The following RNF32 variants were observed in gnomAD, a reference collection of about 807,000 sequenced individuals.
The protein encoded by RNF32 is ring finger protein 32.
Under a neutral mutation model 41.0 loss-of-function variants are expected in RNF32, and 36 were observed. The observed-to-expected ratio is 0.88, with a 90% confidence interval of 0.67 to 1.16. The LOEUF (loss-of-function observed/expected upper bound fraction) is 1.16, where lower values mean the gene tolerates loss of function less well. Ranked by LOEUF, RNF32 falls within the 50% of genes most tolerant of loss-of-function variation. RNF32 has a pLI of 0.00. For missense variants in RNF32, 413 were observed against 436.7 expected, an observed-to-expected ratio of 0.95 and a Z score of 0.48; for synonymous variants, 154 against 160.9, an observed-to-expected ratio of 0.96 and a Z score of 0.32.
intron 7 of RNF32, 81 bp from the exon 8 acceptor site, chr7:156,675,615 A>T: frequency 8.4e-7 from 1 of 1,188,008 alleles, no homozygotes; most frequent in Non-Finnish European, 1.2e-6. Context: ...TTACCAAAAT[A>T]GATGGTCAGG....
intron 7 of RNF32, among the ~76,000 whole-genome samples, chr7:156,668,386 G>GA (rs1215524942): frequency 1.3e-5 from 2 of 152,208 alleles, no homozygotes; most frequent in Non-Finnish European, 2.9e-5. Context: ...ATTCACACAG[G>GA]AAAGGAAGGA....
At chr7:156,655,760 C>G (rs773861808) in intron 4 of RNF32, among the ~76,000 whole-genome samples, 2 of 151,944 alleles carry the variant, frequency 1.3e-5, no homozygotes, top group African/African-American at 4.8e-5. Flanking sequence ...GATTTTAGCC[C>G]TGAAACCACA....
chr7:156,658,414 G>A, intron 6 of RNF32, 48 bp from the exon 7 acceptor site: 1 of 1,538,622 alleles, frequency 6.5e-7, no homozygotes, highest in South Asian at 1.1e-5. Context: ...AGTATTGGTT[G>A]ACATAGAGTC....
intron 3 of RNF32, among the ~76,000 whole-genome samples, chr7:156,646,810 G>A (rs1798018512): frequency 6.6e-6 from 1 of 152,138 alleles, no homozygotes; most frequent in South Asian, 2.1e-4. Flanking sequence ...CTAGGCTATG[G>A]TTTGAATGTT....
intron 7 of RNF32, chr7:156,659,094 G>A: frequency 7.4e-7 from 1 of 1,353,054 alleles, no homozygotes; most frequent in East Asian, 2.9e-5. Flanking sequence ...TTACTTTTGG[G>A]GGACTTATTT....
intron 7 of RNF32, chr7:156,660,417 C>G: frequency 2.4e-6 from 1 of 418,404 alleles, no homozygotes; most frequent in Non-Finnish European, 3.2e-6. Context: ...ATTTCAATAG[C>G]AAATTCACTT....
At position 156,658,161 on chromosome 7, in the gene RNF32, A is replaced by C; in HGVS notation, c.484A>C (p.Lys162Gln). Residue 162 changes from lysine to glutamine, a missense_variant, in exon 6 of 9, where the codon AAG becomes CAG. Coordinates refer to ENST00000317955, the MANE Select transcript of RNF32 (RefSeq NM_030936.4). The part of the protein sequence containing the change: ...CLQAFEKFTN[K>Q]KTCPLCRKNQ... ...TCAGGCTTTTGAAAAGTTCACAAATAAGAAAACCTGTCCTCTCTGTAGAAA... is the reference window on the plus strand; with the variant it reads ...TCAGGCTTTTGAAAAGTTCACAAATCAGAAAACCTGTCCTCTCTGTAGAAA... The C allele has an allele frequency of 6.2e-7, 1 of 1,614,192 alleles. No individual in the cohort carries two copies. The highest frequency in any genetic ancestry group is 8.5e-7 in the Non-Finnish European group (1 of 1,180,002).
intron 3 of RNF32, among the ~76,000 whole-genome samples, chr7:156,650,239 G>T (rs565247818): frequency 1.3e-5 from 2 of 152,340 alleles, no homozygotes; most frequent in African/African-American, 4.8e-5. Context: ...GACACAAGAG[G>T]GTGCACAGCC....
At chr7:156,656,764 C>A (rs76221170) in intron 4 of RNF32, among the ~76,000 whole-genome samples, 11,783 of 152,250 alleles carry the variant, frequency 0.077, 584 homozygotes, top group East Asian at 0.25. Context: ...TTCGCCTGAC[C>A]CCACCGCTTT....
chr7:156,654,756 G>A lies in RNF32; in HGVS notation c.417+38G>A, dbSNP rs372058132. Reference sequence around the variant, plus strand: ...CGAGGGTGAGCTAGAGAGCTCCTGGGCTGTTTCCTAGGGACGAGGCCCAGA... The same window carrying A: ...CGAGGGTGAGCTAGAGAGCTCCTGGACTGTTTCCTAGGGACGAGGCCCAGA... On this transcript the variant is annotated intron_variant, in intron 4 of 8. Transcript: ENST00000317955. 8 of 1,591,594 alleles carry A rather than the reference G, an allele frequency of 5.0e-6. No homozygotes were observed. The African/African-American group carries it at 5.4e-5, about 11-fold the overall frequency.
rs906292586 is a variant in RNF32, at chr7:156,669,571, CCT to C, written c.685-6124_685-6123del. Among the ~76,000 whole-genome samples, 1 of 152,156 alleles carries C rather than the reference CCT, an allele frequency of 6.6e-6. No homozygotes were observed. Among genetic ancestry groups the C allele is most frequent in the African/African-American group, 2.4e-5 (1 of 41,442 alleles). ...AGGTGACCCTTCCAGGACCCAGACC[CCT>C]GTGAGGCCCTGAGCTGGGCGCTGAG... On this transcript the variant is annotated intron_variant, in intron 7 of 8. Coordinates refer to ENST00000317955, the MANE Select transcript of RNF32 (RefSeq NM_030936.4). The surrounding 1 kb of genome is among the most constrained non-coding windows in gnomAD (Gnocchi z 4.2).
At chr7:156,642,782 AC>A (rs1268848061) in intron 1 of RNF32, among the ~76,000 whole-genome samples, 8 of 152,206 alleles carry the variant, frequency 5.3e-5, no homozygotes, top group African/African-American at 1.9e-4. Flanking sequence ...TGTGGGAGGA[AC>A]CCGGGGTACC....
intron 7 of RNF32, among the ~76,000 whole-genome samples, chr7:156,668,074 C>T (rs1431570185): frequency 1.3e-5 from 2 of 152,120 alleles, no homozygotes; most frequent in African/African-American, 4.8e-5. Context: ...TGTTGCAAAC[C>T]TAAAGTCAAA....
chr7:156,672,154 A>G (rs1802687100), intron 7 of RNF32, among the ~76,000 whole-genome samples: 1 of 152,210 alleles, frequency 6.6e-6, no homozygotes, highest in Non-Finnish European at 1.5e-5. Flanking sequence ...TTAAGACTGG[A>G]GCACTAAGTG....
At position 156,675,980 on chromosome 7, in the gene RNF32, C is replaced by T. The variant is rs557477583; in HGVS notation, c.852+117C>T. ...CTTTGGGGAGCCTAGGAGTGTCAGG[C>T]CCGGGGTGCAGCCGTGGAGGCTGTG... On this transcript the variant is annotated intron_variant, in intron 8 of 8. Coordinates refer to ENST00000317955, the MANE Select transcript of RNF32 (RefSeq NM_030936.4). The T allele has an allele frequency of 4.6e-6, 5 of 1,097,882 alleles. No individual in the cohort carries two copies. In the South Asian group the frequency reaches 5.9e-5, roughly 13 times the overall value. The allele number at this position is 1,097,882 out of a possible 1,614,324, so 68.0% of individuals were successfully genotyped here.
rs1800051139 is a variant in RNF32 at position 156,658,326 on chromosome 7, G to C, written c.575+74G>C. ...TGACAACTAACTTGTTTTTTGAATA[G>C]TGGGATTTTATCTCTCTTCTTGGCC... On this transcript the variant is annotated intron_variant, in intron 6 of 8. Transcript: ENST00000317955. 4 of 1,590,136 alleles carry C rather than the reference G, an allele frequency of 2.5e-6. No individual in the cohort carries two copies. In the South Asian group the frequency reaches 4.5e-5, roughly 18 times the overall value.
intron 3 of RNF32, among the ~76,000 whole-genome samples, chr7:156,651,013 A>G (rs1798642407): frequency 6.6e-6 from 1 of 152,154 alleles, no homozygotes; most frequent in African/African-American, 2.4e-5. Context: ...TGCATCCTGC[A>G]CACCATTCTC....
intron 7 of RNF32, among the ~76,000 whole-genome samples, chr7:156,666,634 G>C (rs779727355): frequency 1.3e-5 from 2 of 152,206 alleles, no homozygotes; most frequent in Non-Finnish European, 2.9e-5. Context: ...GGGTGTTTGA[G>C]TTGTCTCGGG....
upstream of RNF32, chr7:156,640,310 G>T (rs900930676): frequency 2.2e-6 from 1 of 450,892 alleles, no homozygotes; most frequent in Non-Finnish European, 4.4e-6. Flanking sequence ...CCACCGCAGG[G>T]AAACAACCGG....
Sources: gnomAD v4.1 joint callset for allele counts (sites outside exome capture counted in the v4.1 genomes callset) on GRCh38, gnomAD v4.1.1 for gene constraint, Gnocchi (gnomAD v3.1) non-coding constraint, MANE v1.5 for transcripts, NCBI Gene and HGNC (gene_info 2026-07-23, HGNC 2026-07-21) for gene names.